The following SMARCB1 variants were observed in gnomAD, a reference collection of about 807,000 sequenced individuals.
SMARCB1 encodes SWI/SNF-related matrix-associated actin-dependent regulator of chromatin subfamily B member 1.
In SMARCB1, 5 loss-of-function variants were observed where a neutral mutation model predicts 49.0. The observed-to-expected ratio is 0.10, with a 90% CI of 0.05 to 0.21. The LOEUF (loss-of-function observed/expected upper bound fraction) is 0.21. SMARCB1 is among the 10% of genes least tolerant of loss of function. The probability of loss-of-function intolerance (pLI) is 1.00; values close to 1 mark genes in which losing one functional copy is unlikely to be tolerated. For missense variants in SMARCB1, 226 were observed against 509.2 expected (o/e 0.44, Z 5.35); for synonymous variants, 201 against 200.1 (o/e 1.00, Z -0.04).
At chr22:23,803,195 A>G (rs1646118130) in intron 4 of SMARCB1, 100 bp from the exon 5 acceptor site, 1 of 1,515,160 alleles carries the variant, frequency 6.6e-7, no homozygotes, top group Admixed American at 1.7e-5. Context: ...TCTTCCCCAG[A>G]TGGGTTTGCA....
At position 23,795,789 on chromosome 22, in the gene SMARCB1, C is replaced by CT. The variant is rs1237100249; in HGVS notation, c.362+2118dup. On this transcript the variant is annotated intron_variant, in intron 3 of 8. Transcript: ENST00000644036. Reference sequence around the variant, plus strand: ...ACTGCACTCATGTGTGCTGGAGGTGCTTTTTTTTTTTTTTTTTGAGATGGA... The same window carrying CT: ...ACTGCACTCATGTGTGCTGGAGGTGCTTTTTTTTTTTTTTTTTTGAGATGGA... Among the ~76,000 whole-genome samples the CT allele has an allele frequency of 5.1e-3, 678 of 133,922 alleles. 4 individuals carry two copies. Among genetic ancestry groups the CT allele is most frequent in the African/African-American group, 0.011 (395 of 36,592 alleles). The allele number at this position is 133,922 out of a possible 152,430, so 87.9% of individuals were successfully genotyped here. A position where few individuals can be genotyped will look rare whatever the true frequency, so the allele number is the denominator to read the frequency against.
At position 23,787,030 on chromosome 22, in the gene SMARCB1, C is replaced by A. The variant is rs1355226377; in HGVS notation, c.-140C>A. 2.0e-5 allele frequency: 11 copies of A among 553,292 alleles called. No homozygotes were observed. The highest frequency in any genetic ancestry group is 3.1e-5 in the Non-Finnish European group (10 of 317,602). The allele number at this position is 553,292 out of a possible 1,614,324, so 34.3% of individuals were successfully genotyped here. ...GCGGCGGCGGCGGCGGCTGAGGAGC[C>A]CGGCTGAGGCGCCAGTACCCGGCCC... On this transcript the variant is annotated 5_prime_UTR_variant, in exon 1 of 9. Transcript: ENST00000644036.
At chr22:23,827,556 C>T (rs1048314043) in intron 7 of SMARCB1, among the ~76,000 whole-genome samples, 1 of 152,182 alleles carries the variant, frequency 6.6e-6, no homozygotes, top group South Asian at 2.1e-4. Context: ...GCATCACAGA[C>T]CCCCTGCCCC....
intron 5 of SMARCB1, among the ~76,000 whole-genome samples, chr22:23,807,427 T>C (rs577627662): frequency 1.3e-5 from 2 of 152,112 alleles, no homozygotes; most frequent in East Asian, 3.9e-4. Flanking sequence ...CTACAAAAAT[T>C]CACCAGATGT....
Position 23,834,749 on chromosome 22 carries a change from A to G in SMARCB1, c.*569A>G. On this transcript the variant is annotated 3_prime_UTR_variant, in exon 9 of 9. Transcript: ENST00000644036. ...CTCCTTCCAGACCCAGAGAGCTGAG[A>G]AGAGTAGCTGTGAGGCTCAGGGCAA... 2.0e-6 allele frequency: 3 copies of G among 1,488,650 alleles called. No individual in the cohort carries two copies. Among genetic ancestry groups the G allele is most frequent in the Non-Finnish European group, 2.7e-6 (3 of 1,122,640 alleles). 92.2% of individuals were successfully genotyped at this position (1,488,650 alleles called of 1,614,324 possible).
Position 23,836,663 on chromosome 22 carries a change from G to C in SMARCB1, c.*2483G>C, listed in dbSNP as rs2031071980. On this transcript the variant is annotated 3_prime_UTR_variant, in exon 9 of 9. Coordinates refer to ENST00000644036, the MANE Select transcript of SMARCB1 (RefSeq NM_003073.5). ...CAGTTGGGCTGAGAGGCCACACTGA[G>C]TGAGGACGGGGCAGGCATAGAAGGA... 7.9e-7 allele frequency: 1 copy of C among 1,268,894 alleles called. No homozygotes were observed. The highest frequency in any genetic ancestry group is 1.5e-5 in the African/African-American group (1 of 64,616). The allele number at this position is 1,268,894 out of a possible 1,614,324, so 78.6% of individuals were successfully genotyped here. A position where few individuals can be genotyped will look rare whatever the true frequency, so the allele number is the denominator to read the frequency against.
Position 23,788,080 on chromosome 22 carries a change from C to T in SMARCB1, c.93+818C>T, listed in dbSNP as rs116422729. ...ATAGAGACAGGGTCTGGCTATGTTGCGCAGGCAGGTCTCCAACTCCTGGGC... is the reference window on the plus strand; with the variant it reads ...ATAGAGACAGGGTCTGGCTATGTTGTGCAGGCAGGTCTCCAACTCCTGGGC... On this transcript the variant is annotated intron_variant, in intron 1 of 8. Transcript: ENST00000644036. Among the ~76,000 whole-genome samples, 2,155 of 152,154 alleles carry T rather than the reference C, an allele frequency of 0.014. 59 individuals are homozygous for T. Among genetic ancestry groups the T allele is most frequent in the African/African-American group, 0.049 (2,028 of 41,508 alleles).
At chr22:23,811,077 A>G (rs1929845147) in intron 5 of SMARCB1, among the ~76,000 whole-genome samples, 1 of 152,120 alleles carries the variant, frequency 6.6e-6, no homozygotes, top group African/African-American at 2.4e-5. Context: ...TAAAACGTTA[A>G]TCAAAGGAAA....
intron 5 of SMARCB1, among the ~76,000 whole-genome samples, chr22:23,805,137 AAGGC>A (rs1929416616): frequency 1.3e-5 from 2 of 152,136 alleles, no homozygotes; most frequent in African/African-American, 4.8e-5. Context: ...CCTGAGTCCG[AAGGC>A]CTCTGCTCAG....
At chr22:23,796,247 T>C (rs975819943) in intron 3 of SMARCB1, among the ~76,000 whole-genome samples, 5 of 152,188 alleles carry the variant, frequency 3.3e-5, no homozygotes, top group African/African-American at 1.2e-4. Context: ...TGTAGCATTG[T>C]GAATAATACT....
At chr22:23,803,735 C>T (rs1428513366) in intron 5 of SMARCB1, 10 of 440,022 alleles carry the variant, frequency 2.3e-5, no homozygotes, top group African/African-American at 1.0e-4. Flanking sequence ...GTTCAGCCCC[C>T]GAGCCCTGCA....
intron 5 of SMARCB1, 158 bp downstream of exon 5, chr22:23,803,580 C>T: frequency 1.2e-6 from 1 of 825,624 alleles, no homozygotes; most frequent in East Asian, 2.7e-5. Context: ...GGGTTCAGTC[C>T]TGGTTCTGTT....
In SMARCB1 at chr22:23,835,481, G is replaced by A. The variant is rs1401787849; in HGVS notation, c.*1301G>A. 1 of 985,762 alleles carries A rather than the reference G, an allele frequency of 1.0e-6. No homozygotes were observed. 61.1% of individuals were successfully genotyped at this position (985,762 alleles called of 1,614,324 possible). On this transcript the variant is annotated 3_prime_UTR_variant, in exon 9 of 9. Transcript: ENST00000644036. ...AGAGGCAGAGCTCTGATTAGGGATT[G>A]GGGTTCTTGGTCGCTGAGATGTGAG... is the stretch of plus-strand genomic sequence containing the variant.
chr22:23,801,622 T>C (rs1389225584), intron 4 of SMARCB1: 7 of 343,370 alleles, frequency 2.0e-5, no homozygotes, highest in Non-Finnish European at 3.4e-5. Context: ...TCTTCCAGCT[T>C]TGGGGGCTGC....
chr22:23,820,399 C>T (rs544407979), intron 6 of SMARCB1, among the ~76,000 whole-genome samples: 1 of 152,212 alleles, frequency 6.6e-6, no homozygotes, highest in African/African-American at 2.4e-5. Flanking sequence ...CATGGTGAAA[C>T]CCCGTCTCTA....
intron 5 of SMARCB1, among the ~76,000 whole-genome samples, chr22:23,812,165 C>G (rs1214009752): frequency 2.6e-5 from 4 of 152,068 alleles, no homozygotes; most frequent in Admixed American, 6.6e-5. Flanking sequence ...TTTAAAAACC[C>G]CAAAAAATGG....
Position 23,834,853 on chromosome 22 carries a change from C to G in SMARCB1, c.*673C>G. The stretch of plus-strand genomic sequence containing the variant: ...CAGGAAGGTGCCGCGAGCTCTCCTG[C>G]CGTCCCTGGGCCGCCCTGGCTCTGC... On this transcript the variant is annotated 3_prime_UTR_variant, in exon 9 of 9. Transcript: ENST00000644036. 6 of 1,612,488 alleles carry G rather than the reference C, an allele frequency of 3.7e-6. No individual in the cohort carries two copies. Among genetic ancestry groups the G allele is most frequent in the Non-Finnish European group, 5.1e-6 (6 of 1,179,724 alleles).
rs746452240 is a variant in SMARCB1 at position 23,836,859 on chromosome 22, T to G, written c.*2679T>G. 1.4e-5 allele frequency: 21 copies of G among 1,452,718 alleles called. No individual in the cohort carries two copies. In the South Asian group the frequency reaches 3.2e-4, roughly 22 times the overall value. 90.0% of individuals were successfully genotyped at this position (1,452,718 alleles called of 1,614,324 possible). A position where few individuals can be genotyped will look rare whatever the true frequency, so the allele number is the denominator to read the frequency against. On this transcript the variant is annotated 3_prime_UTR_variant, in exon 9 of 9. Transcript: ENST00000644036. ...GCCAGAAGCCTCTTAGGCCTGGCCC[T>G]GGGTGGGGGTCACTGCTGCGGGGGT...
chr22:23,806,059 C>G (rs746619257), intron 5 of SMARCB1, among the ~76,000 whole-genome samples: 4 of 152,206 alleles, frequency 2.6e-5, no homozygotes, highest in Admixed American at 1.3e-4. Flanking sequence ...GAAGAGGGAG[C>G]TCGTACTCAG....
Sources: allele counts gnomAD v4.1 joint callset (sites outside exome capture counted in the v4.1 genomes callset), GRCh38; gene constraint gnomAD v4.1.1; transcripts MANE v1.5; gene names NCBI Gene and HGNC (gene_info 2026-07-23, HGNC 2026-07-21).